Variants in SAMD4A observed in about 807,000 individuals in gnomAD.
SAMD4A encodes the protein sterile alpha motif domain containing 4A.
Under a neutral mutation model 81.3 loss-of-function variants are expected in SAMD4A, and 33 were observed. The ratio of observed to expected loss-of-function variants is 0.41; its 90% confidence interval spans 0.31 to 0.54. The LOEUF (loss-of-function observed/expected upper bound fraction) is 0.54. SAMD4A is among the 20% of genes least tolerant of loss of function. The probability of loss-of-function intolerance (pLI) is 0.37; values close to 1 mark genes in which losing one functional copy is unlikely to be tolerated. For synonymous variants in SAMD4A, 389 were observed against 382.1 expected, an observed-to-expected ratio of 1.02 and a Z score of -0.21; for missense variants, 854 against 951.1, an observed-to-expected ratio of 0.90 and a Z score of 1.34.
chr14:54,689,976 C>T (rs1423512336), intron 2 of SAMD4A: 1 of 152,214 alleles, frequency 6.6e-6, no homozygotes, highest in African/African-American at 2.4e-5. Flanking sequence ...TGATACTTAT[C>T]AGAGACACAA....
chr14:54,614,066 G>A (rs923606605), intron 2 of SAMD4A, among the ~76,000 whole-genome samples: 10 of 152,176 alleles, frequency 6.6e-5, no homozygotes, highest in Admixed American at 2.0e-4. Context: ...TGTGAGCCTG[G>A]ATTTTCTTTA....
At chr14:54,739,554 A>G (rs1006934894) in intron 4 of SAMD4A, among the ~76,000 whole-genome samples, 3 of 151,900 alleles carry the variant, frequency 2.0e-5, no homozygotes, top group East Asian at 3.9e-4. Context: ...AAGAAACATT[A>G]TAGATGATGA....
Position 54,764,518 on chromosome 14 carries a change from T to G in SAMD4A, c.1574T>G (p.Ile525Arg), listed in dbSNP as rs368755461. Reference sequence around the variant, plus strand: ...AATATAAGTTCCTATTTACAGCTCATAGACAAGTGTCTAATTCATGAGGTG... The same window carrying G: ...AATATAAGTTCCTATTTACAGCTCAGAGACAAGTGTCTAATTCATGAGGTG... ...EENISSYLQL[I>R]DKCLIHEAFT... Residue 525 changes from isoleucine (I) to arginine (R), a missense_variant, in exon 8 of 13, where the codon ATA becomes AGA. Ile to Arg is a moderately conservative substitution (Grantham distance 97). Coordinates refer to ENST00000554335, the MANE Select transcript of SAMD4A (RefSeq NM_015589.6). 1 of 1,612,110 alleles carries G rather than the reference T, an allele frequency of 6.2e-7. No homozygotes were observed. The highest frequency in any genetic ancestry group is 1.1e-5 in the South Asian group (1 of 90,774).
intron 2 of SAMD4A, among the ~76,000 whole-genome samples, chr14:54,634,217 C>T (rs2034974017): frequency 7.3e-6 from 1 of 136,476 alleles, no homozygotes; most frequent in African/African-American, 2.8e-5. Context: ...ACCTGGGAGG[C>T]AGAGGTTGCA....
At chr14:54,662,236 G>T (rs2035657502) in intron 2 of SAMD4A, among the ~76,000 whole-genome samples, 1 of 152,170 alleles carries the variant, frequency 6.6e-6, no homozygotes, top group South Asian at 2.1e-4. Flanking sequence ...ATGGCAGATT[G>T]AAATAACACC....
chr14:54,757,441 T>G (rs979704433), intron 6 of SAMD4A, among the ~76,000 whole-genome samples: 1 of 151,274 alleles, frequency 6.6e-6, no homozygotes, highest in African/African-American at 2.4e-5. Context: ...TGTTTTGTTT[T>G]GTTTGGTGTG....
At chr14:54,605,811 A>G (rs1030536953) in intron 2 of SAMD4A, among the ~76,000 whole-genome samples, 2 of 151,458 alleles carry the variant, frequency 1.3e-5, no homozygotes, top group Admixed American at 1.3e-4. Context: ...ATATATATGT[A>G]TATATATAAA....
At chr14:54,587,727 G>C (rs2033662501) in intron 2 of SAMD4A, among the ~76,000 whole-genome samples, 1 of 152,150 alleles carries the variant, frequency 6.6e-6, no homozygotes, top group Non-Finnish European at 1.5e-5. Flanking sequence ...CTGCATCCCT[G>C]ATATGAAACC....
At chr14:54,577,995 A>G (rs1471824466) in intron 2 of SAMD4A, among the ~76,000 whole-genome samples, 1 of 152,214 alleles carries the variant, frequency 6.6e-6, no homozygotes, top group Non-Finnish European at 1.5e-5. Context: ...GGGCTTCATC[A>G]GATTTGGACG....
intron 2 of SAMD4A, among the ~76,000 whole-genome samples, chr14:54,587,717 C>T (rs1055605517): frequency 6.6e-6 from 1 of 152,146 alleles, no homozygotes; most frequent in South Asian, 2.1e-4. Flanking sequence ...TAAATCATCC[C>T]TGCATCCCTG....
intron 2 of SAMD4A, among the ~76,000 whole-genome samples, chr14:54,614,692 C>A (rs1337734369): frequency 2.0e-5 from 3 of 152,082 alleles, no homozygotes; most frequent in African/African-American, 7.3e-5. Context: ...GTGGTTTTGC[C>A]CTTTTTTGCC....
Position 54,567,129 on chromosome 14 carries a change from C to G in SAMD4A, c.-631C>G, listed in dbSNP as rs2032964298. On this transcript the variant is annotated 5_prime_UTR_variant, in exon 1 of 13. Coordinates refer to ENST00000554335, the MANE Select transcript of SAMD4A (RefSeq NM_015589.6). ...CCACCCCCACCCCCGCGCCCCTTCG[C>G]AGCCGCATTGCAAGTTTTCTGCGCG... 6.6e-6 allele frequency: 1 copy of G among 152,354 alleles called. No individual in the cohort carries two copies. Among genetic ancestry groups the G allele is most frequent in the Non-Finnish European group, 1.5e-5 (1 of 68,142 alleles). 9.4% of individuals were successfully genotyped at this position (152,354 alleles called of 1,614,324 possible).
intron 2 of SAMD4A, among the ~76,000 whole-genome samples, chr14:54,574,307 C>G (rs1456921853): frequency 6.6e-6 from 1 of 152,178 alleles, no homozygotes; most frequent in African/African-American, 2.4e-5. Context: ...AAGGAGAGAA[C>G]AGCGTGGATT....
intron 2 of SAMD4A, among the ~76,000 whole-genome samples, chr14:54,633,410 G>A (rs546496068): frequency 3.9e-5 from 6 of 152,286 alleles, no homozygotes; most frequent in South Asian, 4.1e-4. Context: ...ATATAGACCC[G>A]ATTTAGGATT....
intron 4 of SAMD4A, among the ~76,000 whole-genome samples, chr14:54,743,887 C>T (rs1296460359): frequency 2.6e-5 from 4 of 152,248 alleles, no homozygotes; most frequent in African/African-American, 4.8e-5. Context: ...GAAATAAAGA[C>T]AAGCTTCTGT....
chr14:54,739,898 G>A (rs562030483), intron 4 of SAMD4A, among the ~76,000 whole-genome samples: 30 of 152,308 alleles, frequency 2.0e-4, no homozygotes, highest in Admixed American at 1.1e-3. Context: ...GGCTGGGTGC[G>A]GTGGCTCACG....
At chr14:54,711,788 A>G (rs1314059838) in intron 3 of SAMD4A, among the ~76,000 whole-genome samples, 1 of 152,030 alleles carries the variant, frequency 6.6e-6, no homozygotes, top group African/African-American at 2.4e-5. Flanking sequence ...AACTTCTGCA[A>G]GCAAAGTGGA....
chr14:54,578,240 G>A (rs1424232620), intron 2 of SAMD4A, among the ~76,000 whole-genome samples: 1 of 152,112 alleles, frequency 6.6e-6, no homozygotes, highest in East Asian at 1.9e-4. Flanking sequence ...ATTTGCTTAG[G>A]AAAGAAGCTC....
At chr14:54,727,325 G>A (rs528629274) in intron 3 of SAMD4A, among the ~76,000 whole-genome samples, 1 of 151,370 alleles carries the variant, frequency 6.6e-6, no homozygotes, top group South Asian at 2.1e-4. Context: ...GAGTAGCTAG[G>A]ATTACAGGCA....
Sources: gnomAD v4.1 joint callset for allele counts (sites outside exome capture counted in the v4.1 genomes callset) on GRCh38, gnomAD v4.1.1 for gene constraint, MANE v1.5 for transcripts, NCBI Gene and HGNC (gene_info 2026-07-23, HGNC 2026-07-21) for gene names.